Variants in SMCO2 observed in about 807,000 individuals in gnomAD.
SMCO2 encodes the protein single-pass membrane protein with coiled-coil domains 2, also known as single-pass membrane and coiled-coil domain-containing protein 2.
SMCO2 carries 25 observed loss-of-function variants against 29.5 expected under a neutral mutation model. The ratio of observed to expected loss-of-function variants is 0.85; its 90% CI spans 0.62 to 1.18. SMCO2 has a LOEUF of 1.18. Ranked by LOEUF, SMCO2 falls within the 50% of genes most tolerant of loss-of-function variation. The pLI, the probability that SMCO2 is intolerant of heterozygous loss-of-function variation, is 0.00. For synonymous variants in SMCO2, 117 were observed against 123.3 expected (o/e 0.95, Z 0.34); for missense variants, 348 against 344.5 (o/e 1.01, Z -0.08).
intron 4 of SMCO2, among the ~76,000 whole-genome samples, chr12:27,479,993 G>A (rs1949627708): frequency 6.6e-6 from 1 of 152,152 alleles, no homozygotes; most frequent in Non-Finnish European, 1.5e-5. Flanking sequence ...CTCAGTCCAA[G>A]TCCAAAAGCC....
intron 4 of SMCO2, 45 bp from the exon 6 acceptor site, chr12:27,488,415 G>T: frequency 7.5e-7 from 1 of 1,331,122 alleles, no homozygotes; most frequent in Non-Finnish European, 1.0e-6. Flanking sequence ...TCTCTTGGGT[G>T]ATTTTTCTTA....
chr12:27,482,057 T>C (rs1949648267), intron 4 of SMCO2, among the ~76,000 whole-genome samples: 1 of 152,120 alleles, frequency 6.6e-6, no homozygotes, highest in Non-Finnish European at 1.5e-5. Flanking sequence ...TAGGCTTATG[T>C]TGCTATCCTC....
At chr12:27,492,845 G>A (rs1190334025) in intron 5 of SMCO2, among the ~76,000 whole-genome samples, 1 of 152,000 alleles carries the variant, frequency 6.6e-6, no homozygotes, top group African/African-American at 2.4e-5. Context: ...TATACCCAGA[G>A]GAATATAAAT....
chr12:27,498,095 T>C (rs2616343), intron 7 of SMCO2: 6,885 of 316,772 alleles, frequency 0.022, 960 homozygotes, highest in African/African-American at 0.15. Context: ...GAGTGCTGCT[T>C]AGACATCTGT....
the SMCO2 span, among the ~76,000 whole-genome samples, chr12:27,435,546 C>T: frequency 6.3e-5 from 9 of 143,740 alleles, no homozygotes; most frequent in African/African-American, 2.5e-4. Flanking sequence ...TCTCTCTCTC[C>T]CCCCCATCCC....
chr12:27,478,736 A>G (rs405522), intron 4 of SMCO2, among the ~76,000 whole-genome samples: 17,527 of 152,174 alleles, frequency 0.12, 1,952 homozygotes, highest in African/African-American at 0.27. Context: ...AGTGGCAGTG[A>G]GCAGGGCCCA....
At chr12:27,464,225 G>T (rs1434828993), upstream of SMCO2, among the ~76,000 whole-genome samples, 1 of 152,198 alleles carries the variant, frequency 6.6e-6, no homozygotes, top group Non-Finnish European at 1.5e-5. Flanking sequence ...ATGGAAAAAA[G>T]GCTGCACACA....
intron 7 of SMCO2, 147 bp from the exon 9 acceptor site, chr12:27,501,776 C>G (rs1404676144): frequency 5.0e-6 from 3 of 599,270 alleles, no homozygotes; most frequent in Non-Finnish European, 8.3e-6. Context: ...TCCTCCATTC[C>G]AAGCTGCTGC....
chr12:27,438,093 A>G, the SMCO2 span, among the ~76,000 whole-genome samples: 1 of 152,104 alleles, frequency 6.6e-6, no homozygotes, highest in Non-Finnish European at 1.5e-5. Context: ...CTTCTCTTCA[A>G]GGTCACCACT....
the SMCO2 span, among the ~76,000 whole-genome samples, chr12:27,437,266 G>A: frequency 6.6e-6 from 1 of 151,864 alleles, no homozygotes; most frequent in African/African-American, 2.4e-5. Flanking sequence ...GAAAGACCTT[G>A]TCTCAAAAAA....
At position 27,500,519 on chromosome 12, in the gene SMCO2, C is replaced by T. The variant is rs1033220987; in HGVS notation, c.684-1404C>T. On this transcript the variant is annotated intron_variant, in intron 7 of 7. Coordinates refer to ENST00000298876, the Ensembl canonical transcript of SMCO2. Reference sequence around the variant, plus strand: ...TCTTTGCTTTAGAAAATTTGTTTTACTTTCCAAAAACTTAATGTTAAAATG... The same window carrying T: ...TCTTTGCTTTAGAAAATTTGTTTTATTTTCCAAAAACTTAATGTTAAAATG... 4.6e-5 allele frequency among the ~76,000 whole-genome samples: 7 copies of T among 150,674 alleles called. 1 individual carries two copies. Among genetic ancestry groups the T allele is most frequent in the Admixed American group, 4.6e-4 (7 of 15,184 alleles).
At chr12:27,438,673 T>A in the SMCO2 span, among the ~76,000 whole-genome samples, 1 of 152,214 alleles carries the variant, frequency 6.6e-6, no homozygotes, top group Non-Finnish European at 1.5e-5. Flanking sequence ...ATCCTTTACA[T>A]GTTAGAGTTG....
chr12:27,434,425 A>G, the SMCO2 span, among the ~76,000 whole-genome samples: 4 of 152,174 alleles, frequency 2.6e-5, no homozygotes, highest in Non-Finnish European at 5.9e-5. Context: ...GATCTTAGTA[A>G]TAATAGAATT....
the SMCO2 span, among the ~76,000 whole-genome samples, chr12:27,445,074 T>G: frequency 2.6e-5 from 4 of 152,068 alleles, no homozygotes; most frequent in African/African-American, 9.7e-5. Context: ...TTATGCTGTG[T>G]GAAATAAGCC....
At chr12:27,454,145 C>T in the SMCO2 span, among the ~76,000 whole-genome samples, 26 of 151,936 alleles carry the variant, frequency 1.7e-4, no homozygotes, top group African/African-American at 6.3e-4. Context: ...CCACCATGTC[C>T]AGCTTATTTT....
the SMCO2 span, among the ~76,000 whole-genome samples, chr12:27,436,208 T>A: frequency 1.3e-5 from 2 of 152,224 alleles, no homozygotes; most frequent in Non-Finnish European, 2.9e-5. Flanking sequence ...CAGTGGGGGT[T>A]AGGATTTCAA....
At chr12:27,451,633 A>G in the SMCO2 span, among the ~76,000 whole-genome samples, 3 of 152,208 alleles carry the variant, frequency 2.0e-5, no homozygotes, top group South Asian at 2.1e-4. Context: ...TCAGCATTGC[A>G]CTTGGAGTCC....
chr12:27,460,167 A>G, the SMCO2 span, among the ~76,000 whole-genome samples: 27 of 152,348 alleles, frequency 1.8e-4, no homozygotes, highest in South Asian at 5.6e-3. Context: ...AGACAATGAT[A>G]GCAACCACAT....
chr12:27,440,798 T>C, the SMCO2 span, among the ~76,000 whole-genome samples: 1 of 151,974 alleles, frequency 6.6e-6, no homozygotes, highest in African/African-American at 2.4e-5. Flanking sequence ...GTAGCTTCAC[T>C]AAAAATAAAA....
Sources: allele counts gnomAD v4.1 joint callset (sites outside exome capture counted in the v4.1 genomes callset), GRCh38; gene constraint gnomAD v4.1.1; transcripts MANE v1.5; gene names NCBI Gene and HGNC (gene_info 2026-07-23, HGNC 2026-07-21).